The following PTGER4 variants were observed in gnomAD, a reference collection of about 807,000 sequenced individuals.
PTGER4 encodes prostaglandin E2 receptor EP4 subtype.
Under a neutral mutation model 33.2 loss-of-function variants are expected in PTGER4, and 11 were observed. The ratio of observed to expected loss-of-function variants is 0.33; its 90% CI spans 0.21 to 0.55. The LOEUF (loss-of-function observed/expected upper bound fraction) is 0.55. PTGER4 is among the 20% of genes least tolerant of loss of function. The pLI, the probability that PTGER4 is intolerant of heterozygous loss-of-function variation, is 0.92. For synonymous variants in PTGER4, 275 were observed against 281.5 expected (o/e 0.98, Z 0.23); for missense variants, 481 against 650.2 (o/e 0.74, Z 2.83).
At chr5:40,723,017 G>C in the PTGER4 span, among the ~76,000 whole-genome samples, 1 of 152,236 alleles carries the variant, frequency 6.6e-6, no homozygotes, top group African/African-American at 2.4e-5. Context: ...GTGGGGAAAA[G>C]GAGAGATCGG....
At chr5:40,725,784 CTTT>C in the PTGER4 span, among the ~76,000 whole-genome samples, 10 of 126,030 alleles carry the variant, frequency 7.9e-5, no homozygotes, top group Non-Finnish European at 1.0e-4. Context: ...TTCTCTTCAG[CTTT>C]TTTTTTTTTT....
At chr5:40,686,414 A>G (rs184696915) in intron 2 of PTGER4, among the ~76,000 whole-genome samples, 1 of 152,378 alleles carries the variant, frequency 6.6e-6, no homozygotes, top group East Asian at 1.9e-4. Context: ...ACAGTTTTCA[A>G]ATTATTGATA....
At chr5:40,731,742 A>G in the PTGER4 span, among the ~76,000 whole-genome samples, 2 of 152,320 alleles carry the variant, frequency 1.3e-5, no homozygotes, top group South Asian at 2.1e-4. Flanking sequence ...GCCAAACCAT[A>G]TCACATATCT....
chr5:40,682,298 T>G (rs1741217760), intron 2 of PTGER4, among the ~76,000 whole-genome samples: 1 of 152,134 alleles, frequency 6.6e-6, no homozygotes, highest in South Asian at 2.1e-4. Flanking sequence ...TGTAAACCAT[T>G]TTTAAGGAAA....
chr5:40,697,027 CAAA>C (rs1741597040), downstream of PTGER4, among the ~76,000 whole-genome samples: 1 of 80,794 alleles, frequency 1.2e-5, no homozygotes, highest in African/African-American at 4.9e-5. Context: ...AAAGAGAAAA[CAAA>C]GAAGGAAAGA....
chr5:40,691,005 A>T lies in PTGER4; in HGVS notation c.868-774A>T, dbSNP rs894238351. On this transcript the variant is annotated intron_variant, in intron 2 of 2. Transcript: ENST00000302472. This position sits in a 1 kb window ranked among gnomAD's most constrained non-coding sequence, Gnocchi z 4.2. ...TCAGAACATGTAATTGCATTTTTGC[A>T]GTGACTGGTTTTTATTTTTTTATTT... is the stretch of plus-strand genomic sequence containing the variant. Among the ~76,000 whole-genome samples the T allele has an allele frequency of 6.6e-6, 1 of 152,214 alleles. No individual in the cohort carries two copies. Among genetic ancestry groups the T allele is most frequent in the Non-Finnish European group, 1.5e-5 (1 of 68,044 alleles).
chr5:40,713,997 C>T, the PTGER4 span, among the ~76,000 whole-genome samples: 2 of 152,144 alleles, frequency 1.3e-5, no homozygotes, highest in Non-Finnish European at 2.9e-5. Context: ...TTCTTTTTCT[C>T]CTCTGTCTTA....
the PTGER4 span, among the ~76,000 whole-genome samples, chr5:40,732,302 C>G: frequency 1.1e-3 from 163 of 152,240 alleles, 1 homozygote; most frequent in East Asian, 0.026. Context: ...CAGGGGTGAG[C>G]CACCATGCCT....
In PTGER4 at chr5:40,692,530, ACAAT is replaced by A. The variant is rs1420126730; in HGVS notation, c.*156_*159del. 9 of 1,443,810 alleles carry A rather than the reference ACAAT, an allele frequency of 6.2e-6. No homozygotes were observed. The highest frequency in any genetic ancestry group is 2.5e-5 in the East Asian group (1 of 40,758). The allele number at this position is 1,443,810 out of a possible 1,614,324, so 89.4% of individuals were successfully genotyped here. ...ATCCTGGCTTTTGAGCACTTTTCAA[ACAAT>A]CAAGTTGACTCACGTGGGTCCTGAG... On this transcript the variant is annotated 3_prime_UTR_variant, in exon 3 of 3. Transcript: ENST00000302472.
rs765298065 is a variant in PTGER4 at position 40,692,214 on chromosome 5, C to T, written c.1303C>T (p.Arg435Ter). The T allele has an allele frequency of 2.5e-6, 4 of 1,614,082 alleles. No individual in the cohort carries two copies. The highest frequency in any genetic ancestry group is 1.7e-5 in the Admixed American group (1 of 60,004). ...QEDTTSLRTL[R>*]ISETSDSSQG... is the part of the protein sequence containing the mutation. ...AGACACCACCTCACTGAGGACTTTG[C>T]GAATATCAGAGACCTCAGACTCTTC... Residue 435 changes from arginine to a stop codon, truncating the protein, a stop_gained, in exon 3 of 3, where the codon CGA becomes TGA. Coordinates refer to ENST00000302472, the MANE Select transcript of PTGER4 (RefSeq NM_000958.3). LOFTEE classifies it high-confidence loss of function.
the PTGER4 span, among the ~76,000 whole-genome samples, chr5:40,722,527 G>A: frequency 6.6e-6 from 1 of 151,054 alleles, no homozygotes; most frequent in Non-Finnish European, 1.5e-5. Context: ...CTCCCCGTCT[G>A]GAATGTGAGG....
At chr5:40,709,621 T>C in the PTGER4 span, among the ~76,000 whole-genome samples, 69 of 152,278 alleles carry the variant, frequency 4.5e-4, no homozygotes, top group South Asian at 1.4e-3. Flanking sequence ...AGGTAATTTA[T>C]AGATCCAATG....
chr5:40,732,224 T>C, the PTGER4 span, among the ~76,000 whole-genome samples: 634 of 152,130 alleles, frequency 4.2e-3, 3 homozygotes, highest in African/African-American at 0.015. Flanking sequence ...ACTATGTTGC[T>C]CAGGCTGGTC....
chr5:40,697,431 C>T (rs1486129538), downstream of PTGER4, among the ~76,000 whole-genome samples: 1 of 151,438 alleles, frequency 6.6e-6, no homozygotes, highest in Non-Finnish European at 1.5e-5. Context: ...ACTAAAAATG[C>T]AAAATTAGCC....
the PTGER4 span, among the ~76,000 whole-genome samples, chr5:40,746,001 TGC>T: frequency 5.8e-4 from 89 of 152,270 alleles, no homozygotes; most frequent in African/African-American, 2.1e-3. Context: ...TTCTATTAAT[TGC>T]ATAGTTTTAC....
the PTGER4 span, chr5:40,730,208 C>T: frequency 1.8e-5 from 25 of 1,397,846 alleles, no homozygotes; most frequent in African/African-American, 5.7e-5. Context: ...GCTCACTCAC[C>T]GAACAAACAT....
chr5:40,707,884 A>G, the PTGER4 span, among the ~76,000 whole-genome samples: 1 of 152,220 alleles, frequency 6.6e-6, no homozygotes, highest in African/African-American at 2.4e-5. Flanking sequence ...AAATCACTCA[A>G]AACCGCTCAA....
intron 2 of PTGER4, among the ~76,000 whole-genome samples, chr5:40,682,379 T>C (rs534546495): frequency 6.6e-6 from 1 of 152,350 alleles, no homozygotes; most frequent in South Asian, 2.1e-4. Flanking sequence ...CGTAGAATTT[T>C]AAAGCTAGAA....
At chr5:40,700,977 TAA>T in the PTGER4 span, among the ~76,000 whole-genome samples, 18 of 152,088 alleles carry the variant, frequency 1.2e-4, no homozygotes, top group Non-Finnish European at 1.8e-4. Flanking sequence ...CACTTTCAAA[TAA>T]AGACCCTACA....
Sources: gnomAD v4.1 joint callset for allele counts (sites outside exome capture counted in the v4.1 genomes callset) on GRCh38, gnomAD v4.1.1 for gene constraint, Gnocchi (gnomAD v3.1) non-coding constraint, MANE v1.5 for transcripts, NCBI Gene and HGNC (gene_info 2026-07-23, HGNC 2026-07-21) for gene names.